Variants in TNFAIP8 observed in about 807,000 individuals in gnomAD.
TNFAIP8 encodes the protein tumor necrosis factor alpha-induced protein 8.
Under a neutral mutation model 13.3 loss-of-function variants are expected in TNFAIP8, and 7 were observed. The observed-to-expected ratio is 0.52, with a 90% confidence interval of 0.30 to 0.99. TNFAIP8 has a LOEUF of 0.99. TNFAIP8 is among the 50% of genes least tolerant of loss of function. TNFAIP8 has a pLI of 0.07. For synonymous variants in TNFAIP8, 94 were observed against 87.6 expected, an observed-to-expected ratio of 1.07 and a Z score of -0.41; for missense variants, 258 against 236.9, an observed-to-expected ratio of 1.09 and a Z score of -0.58.
At chr5:119,293,543 A>G (rs1379882739) in intron 1 of TNFAIP8, among the ~76,000 whole-genome samples, 1 of 152,204 alleles carries the variant, frequency 6.6e-6, no homozygotes, top group Non-Finnish European at 1.5e-5. Context: ...TTTAAGGCTG[A>G]ACAGTATTCC....
At chr5:119,380,033 C>T (rs1339721091) in intron 1 of TNFAIP8, among the ~76,000 whole-genome samples, 1 of 152,198 alleles carries the variant, frequency 6.6e-6, no homozygotes, top group Non-Finnish European at 1.5e-5. Flanking sequence ...CCTAATTTCA[C>T]TTTTCTTATA....
intron 1 of TNFAIP8, among the ~76,000 whole-genome samples, chr5:119,384,353 C>A (rs1222768671): frequency 2.0e-5 from 3 of 152,056 alleles, no homozygotes; most frequent in African/African-American, 7.2e-5. Flanking sequence ...GGCGTGGTGG[C>A]ATGTGCCTAT....
At chr5:119,356,144 G>A (rs766470345) in intron 1 of TNFAIP8, 23 bp downstream of exon 1, 12 of 1,563,012 alleles carry the variant, frequency 7.7e-6, no homozygotes, top group Middle Eastern at 1.7e-4. Context: ...TTTCTCCTGG[G>A]GGCCGGCCAA....
chr5:119,366,111 A>C (rs1751843517), intron 1 of TNFAIP8, among the ~76,000 whole-genome samples: 1 of 151,576 alleles, frequency 6.6e-6, no homozygotes, highest in Admixed American at 6.6e-5. Context: ...GAGTGGAGAG[A>C]GAGAGGAAGG....
intron 1 of TNFAIP8, among the ~76,000 whole-genome samples, chr5:119,383,435 C>G (rs1320980963): frequency 6.6e-6 from 1 of 152,222 alleles, no homozygotes; most frequent in Non-Finnish European, 1.5e-5. Flanking sequence ...TACATACTTG[C>G]TACCTTCTCA....
chr5:119,299,732 C>A (rs991302192), intron 1 of TNFAIP8, among the ~76,000 whole-genome samples: 2 of 152,212 alleles, frequency 1.3e-5, no homozygotes, highest in African/African-American at 4.8e-5. Flanking sequence ...CAGAGGCAGG[C>A]AGGCCTCCTT....
rs1346114835 is a variant in TNFAIP8 at position 119,398,050 on chromosome 5, T to C, written c.*4669T>C. On this transcript the variant is annotated 3_prime_UTR_variant, in exon 2 of 2. Transcript: ENST00000504771. The stretch of plus-strand genomic sequence containing the variant: ...AGCATTCACAATTAAGAGAAAAACA[T>C]CTGTGCTTTGGAAAATGTTCTTCAA... 1 of 152,174 alleles carries C rather than the reference T, an allele frequency of 6.6e-6. No individual in the cohort carries two copies. Among genetic ancestry groups the C allele is most frequent in the Non-Finnish European group, 1.5e-5 (1 of 68,044 alleles). The allele number at this position is 152,174 out of a possible 1,614,324, so 9.4% of individuals were successfully genotyped here. A position where few individuals can be genotyped will look rare whatever the true frequency, so the allele number is the denominator to read the frequency against.
chr5:119,350,268 T>C (rs755090867), intron 1 of TNFAIP8, among the ~76,000 whole-genome samples: 4 of 152,206 alleles, frequency 2.6e-5, no homozygotes, highest in Non-Finnish European at 5.9e-5. Context: ...CGCTACTATG[T>C]TGAATTTACG....
intron 1 of TNFAIP8, among the ~76,000 whole-genome samples, chr5:119,311,502 T>A (rs1749725861): frequency 6.6e-6 from 1 of 151,752 alleles, no homozygotes; most frequent in Non-Finnish European, 1.5e-5. Flanking sequence ...CCATCCTGGC[T>A]AACATGGTGA....
At chr5:119,318,235 C>T (rs1280788918) in intron 1 of TNFAIP8, among the ~76,000 whole-genome samples, 5 of 150,908 alleles carry the variant, frequency 3.3e-5, no homozygotes, top group Admixed American at 6.6e-5. Context: ...TCCCTTTAAA[C>T]GGGGATTTCA....
upstream of TNFAIP8, chr5:119,355,982 T>G: frequency 6.6e-7 from 1 of 1,509,726 alleles, no homozygotes; most frequent in Non-Finnish European, 8.9e-7. Flanking sequence ...TTTAGTGGCT[T>G]TCTTCCTTTT....
chr5:119,268,769 T>C, exon 1 of TNFAIP8: 13 of 668,892 alleles, frequency 1.9e-5, no homozygotes, highest in Non-Finnish European at 3.5e-5. Context: ...CTCTGCCTCC[T>C]TTTCTCCCGC....
chr5:119,274,237 C>A (rs1223401171), intron 1 of TNFAIP8, among the ~76,000 whole-genome samples: 7 of 152,150 alleles, frequency 4.6e-5, no homozygotes, highest in Non-Finnish European at 1.0e-4. Flanking sequence ...ACAGTGTTGG[C>A]AACAGTGCAA....
chr5:119,337,660 T>C (rs1484380542), intron 1 of TNFAIP8, among the ~76,000 whole-genome samples: 2 of 152,210 alleles, frequency 1.3e-5, no homozygotes, highest in African/African-American at 4.8e-5. Context: ...ATGCAGATAT[T>C]AATGCGGGGC....
intron 1 of TNFAIP8, among the ~76,000 whole-genome samples, chr5:119,340,375 G>A (rs1750697486): frequency 6.6e-6 from 1 of 152,190 alleles, no homozygotes; most frequent in Admixed American, 6.5e-5. Context: ...GGAACATTGG[G>A]CTAGGCTGCA....
intron 1 of TNFAIP8, among the ~76,000 whole-genome samples, chr5:119,291,846 CT>C (rs1386618493): frequency 2.0e-5 from 3 of 152,206 alleles, no homozygotes; most frequent in Admixed American, 2.0e-4. Flanking sequence ...GCTTTTGTCT[CT>C]TGAAAATCTC....
rs1003915028 is a variant in TNFAIP8 at position 119,297,800 on chromosome 5, C to T, written c.1+28893C>T. Among the ~76,000 whole-genome samples the T allele has an allele frequency of 8.5e-5, 13 of 152,274 alleles. No homozygotes were observed. The South Asian group carries it at 2.3e-3, about 27-fold the overall frequency. Reference sequence around the variant, plus strand: ...TGAATGTGGGTGCTCCTGTATTGGGCACATATATATTTAGGATAGTTAGCT... The same window carrying T: ...TGAATGTGGGTGCTCCTGTATTGGGTACATATATATTTAGGATAGTTAGCT... On this transcript the variant is annotated intron_variant, in intron 1 of 1. Coordinates refer to the TNFAIP8 transcript ENST00000274456.
intron 1 of TNFAIP8, among the ~76,000 whole-genome samples, chr5:119,307,306 AATGCTGCAAT>A (rs1749595638): frequency 6.6e-6 from 1 of 152,244 alleles, no homozygotes; most frequent in Admixed American, 6.5e-5. Flanking sequence ...TGTTATAAAT[AATGCTGCAAT>A]AAACAACCAC....
At chr5:119,344,578 G>A (rs7707470) in intron 1 of TNFAIP8, among the ~76,000 whole-genome samples, 56,900 of 151,940 alleles carry the variant, frequency 0.37, 12,570 homozygotes, top group African/African-American at 0.62. Flanking sequence ...TGTGTGGCAG[G>A]TATGAATTAA....
Sources: allele counts gnomAD v4.1 joint callset (sites outside exome capture counted in the v4.1 genomes callset), GRCh38; gene constraint gnomAD v4.1.1; transcripts MANE v1.5; gene names NCBI Gene and HGNC (gene_info 2026-07-23, HGNC 2026-07-21).